Variants in FAM161B observed in about 807,000 individuals in gnomAD.
FAM161B encodes the protein FAM161 centrosomal protein B.
A neutral mutation model predicts 61.5 loss-of-function variants in FAM161B; 46 were observed. The ratio of observed to expected loss-of-function variants is 0.75; its 90% CI spans 0.59 to 0.96. The LOEUF (loss-of-function observed/expected upper bound fraction) is 0.96. FAM161B is among the 40% of genes least tolerant of loss of function. The pLI is 0.00. For synonymous variants in FAM161B, 284 were observed against 302.7 expected, an observed-to-expected ratio of 0.94 and a Z score of 0.64; for missense variants, 774 against 800.7, an observed-to-expected ratio of 0.97 and a Z score of 0.40.
intron 2 of FAM161B, among the ~76,000 whole-genome samples, chr14:73,945,250 A>G (rs567492487): frequency 4.6e-5 from 7 of 152,196 alleles, no homozygotes; most frequent in Non-Finnish European, 1.0e-4. Context: ...GGCAAAAATT[A>G]ATGTCTACTT....
At chr14:73,945,232 T>C (rs1028307116) in intron 2 of FAM161B, among the ~76,000 whole-genome samples, 6 of 152,190 alleles carry the variant, frequency 3.9e-5, no homozygotes, top group African/African-American at 1.4e-4. Flanking sequence ...TTTCCTCCTA[T>C]GTAGAGTGGC....
intron 7 of FAM161B, among the ~76,000 whole-genome samples, 200 bp downstream of exon 7, chr14:73,937,402 T>G (rs1490780587): frequency 1.3e-5 from 2 of 152,166 alleles, no homozygotes; most frequent in African/African-American, 4.8e-5. Context: ...ATCGATGCCT[T>G]TGGAGTCCAC....
At position 73,946,306 on chromosome 14, in the gene FAM161B, G is replaced by A. The variant is rs367810516; in HGVS notation, c.354C>T (p.Val118=). 2.7e-5 allele frequency: 44 copies of A among 1,613,824 alleles called. No homozygotes were observed. In the African/African-American group the frequency reaches 2.8e-4, roughly 10 times the overall value. ...FQDKDRGMVQ[V]QCPQALRCGS... ...CTTACCTCAGAGCCTGCGGGCACTG[G>A]ACCTGCACCATCCCCCTGTCCTTGT... Residue 118 remains valine, a synonymous_variant, in exon 2 of 9, where the codon GTC becomes GTT. Transcript: ENST00000286544.
intron 2 of FAM161B, among the ~76,000 whole-genome samples, 195 bp downstream of exon 2, chr14:73,946,091 C>T (rs1435671390): frequency 6.6e-6 from 1 of 152,064 alleles, no homozygotes; most frequent in Non-Finnish European, 1.5e-5. Context: ...TAAGTGTTGC[C>T]CAAAGTAATT....
chr14:73,929,262 T>G (rs1280337056), downstream of FAM161B, among the ~76,000 whole-genome samples: 1 of 152,028 alleles, frequency 6.6e-6, no homozygotes, highest in African/African-American at 2.4e-5. Flanking sequence ...ATACCTTCAG[T>G]TTTTTTTCAA....
chr14:73,934,421 A>G, intron 8 of FAM161B, 27 bp from the exon 9 acceptor site: 4 of 1,587,128 alleles, frequency 2.5e-6, no homozygotes, highest in South Asian at 1.1e-5. Flanking sequence ...AACATGAAAA[A>G]CAAAAAAAAT....
chr14:73,929,755 T>A (rs1347628663), downstream of FAM161B, among the ~76,000 whole-genome samples: 1 of 151,570 alleles, frequency 6.6e-6, no homozygotes, highest in Admixed American at 6.6e-5. Flanking sequence ...AAGTTGAGGC[T>A]GTAGTGAGCC....
chr14:73,936,421 C>A (rs906024527), intron 7 of FAM161B, among the ~76,000 whole-genome samples: 1 of 151,974 alleles, frequency 6.6e-6, no homozygotes, highest in Non-Finnish European at 1.5e-5. Flanking sequence ...ACAAATGAGA[C>A]CCAGATTTAA....
At chr14:73,945,362 A>AT (rs1463841823) in intron 2 of FAM161B, among the ~76,000 whole-genome samples, 1 of 152,222 alleles carries the variant, frequency 6.6e-6, no homozygotes, top group African/African-American at 2.4e-5. Flanking sequence ...CTTGACCAAG[A>AT]TAAAGGTACT....
rs770488508 is a variant in FAM161B at position 73,934,269 on chromosome 14, AC to A, written c.1930del (p.Val644TyrfsTer9). 641 of 1,612,386 alleles carry A rather than the reference AC, an allele frequency of 4.0e-4. 4 individuals are homozygous for A. The highest frequency in any genetic ancestry group is 5.6e-5 in the Non-Finnish European group (66 of 1,179,620). On this transcript the variant is annotated frameshift_variant, in exon 9 of 9. Transcript: ENST00000286544. LOFTEE classifies it high-confidence loss of function. Reference sequence around the variant, plus strand: ...TAAGTGTAGTGATTAAGCAAGTGATACGAGATTTTCTGGTGACTGATGAGAC... The same window carrying A: ...TAAGTGTAGTGATTAAGCAAGTGATAGAGATTTTCTGGTGACTGATGAGAC... ...ELSHQSPENL[V>X]SLA
chr14:73,923,201 C>T, the FAM161B span, among the ~76,000 whole-genome samples: 11 of 152,130 alleles, frequency 7.2e-5, no homozygotes, highest in African/African-American at 2.7e-4. Context: ...GATTTCTTGC[C>T]TTTCTATTCT....
Position 73,937,954 on chromosome 14 carries a change from T to G in FAM161B, c.1559A>C (p.Glu520Ala). The change falls in exon 6 of 9, where the codon GAG becomes GCG. Residue 520 changes from glutamate (E) to alanine (A), a missense_variant. Transcript: ENST00000286544. ...ACACATAGAGGACACTGACCGGTTC[T>G]CTTTCAGCTTTGCTTTGAACACTTC... ...LEEVFKAKLK[E>A]NRNNDRKRAK... 1 of 1,614,244 alleles carries G rather than the reference T, an allele frequency of 6.2e-7. No individual in the cohort carries two copies. Among genetic ancestry groups the G allele is most frequent in the Non-Finnish European group, 8.5e-7 (1 of 1,180,032 alleles).
chr14:73,941,008 G>C lies in FAM161B; in HGVS notation c.1318C>G (p.Leu440Val). The C allele has an allele frequency of 6.2e-7, 1 of 1,609,188 alleles. No individual in the cohort carries two copies. The highest frequency in any genetic ancestry group is 1.7e-5 in the Admixed American group (1 of 59,854). The change falls in exon 5 of 9, where the codon CTG becomes GTG. Residue 440 changes from leucine to valine, a missense_variant. Physicochemically the swap from Leu to Val is conservative, Grantham distance 32. Coordinates refer to ENST00000286544, the MANE Select transcript of FAM161B (RefSeq NM_152445.3). ...GCAGAGAGGGAAGCAAGGCCGCTCA[G>C]AGAACGACTCCTTGGCAGGGGTGTA... The part of the protein sequence containing the change: ...PATPLPRSRS[L>V]SGLASLSANT...
At chr14:73,947,611 C>A (rs1195700916) in intron 1 of FAM161B, among the ~76,000 whole-genome samples, 2 of 151,864 alleles carry the variant, frequency 1.3e-5, no homozygotes, top group Non-Finnish European at 2.9e-5. Context: ...AGGAGACAGA[C>A]AATATAAGAT....
At chr14:73,937,852 T>G (rs2055983259) in intron 6 of FAM161B, 96 bp downstream of exon 6, 2 of 1,577,496 alleles carry the variant, frequency 1.3e-6, no homozygotes, top group Non-Finnish European at 1.7e-6. Context: ...GGAGCCTACC[T>G]ACCTCGATAA....
chr14:73,931,524 A>G, downstream of FAM161B: 1 of 1,607,528 alleles, frequency 6.2e-7, no homozygotes, highest in Non-Finnish European at 8.5e-7. Flanking sequence ...AGGAGATTTA[A>G]CTGAAAGACG....
At chr14:73,923,327 C>G in the FAM161B span, 9 of 1,532,630 alleles carry the variant, frequency 5.9e-6, no homozygotes, top group Non-Finnish European at 7.9e-6. Context: ...TAATGAGAGG[C>G]TTAATGATCC....
Position 73,944,865 on chromosome 14 carries a change from C to T in FAM161B, c.395G>A (p.Cys132Tyr), listed in dbSNP as rs938285564. ...GGAGGGAAGGTTGTTCAGGGAGCTG[C>T]AGCGCCTTGTGGAGCCACACCTGGG... ...QALRCGSTRR[C>Y]SSLNNLPSNI... The change falls in exon 3 of 9, where the codon TGC (cysteine) becomes TAC (tyrosine). Residue 132 changes from cysteine to tyrosine, a missense_variant. Coordinates refer to ENST00000286544, the MANE Select transcript of FAM161B (RefSeq NM_152445.3). The T allele has an allele frequency of 3.9e-6, 6 of 1,521,434 alleles. No homozygotes were observed. Among genetic ancestry groups the T allele is most frequent in the Admixed American group, 2.2e-5 (1 of 45,668 alleles). 94.2% of individuals were successfully genotyped at this position (1,521,434 alleles called of 1,614,324 possible).
intron 7 of FAM161B, 58 bp from the exon 8 acceptor site, chr14:73,936,146 ATTAC>A: frequency 2.0e-6 from 3 of 1,520,620 alleles, no homozygotes; most frequent in Non-Finnish European, 2.7e-6. Context: ...ACAATTCTAA[ATTAC>A]TTAATCAGTA....
Sources: allele counts gnomAD v4.1 joint callset (sites outside exome capture counted in the v4.1 genomes callset), GRCh38; gene constraint gnomAD v4.1.1; transcripts MANE v1.5; gene names NCBI Gene and HGNC (gene_info 2026-07-23, HGNC 2026-07-21).